The following CHIC1 variants were observed in gnomAD, a reference collection of about 807,000 sequenced individuals.
The protein encoded by CHIC1 is cysteine-rich hydrophobic domain-containing protein 1.
In CHIC1, 7 loss-of-function variants were observed where a neutral mutation model predicts 18.5. The observed-to-expected ratio is 0.38, with a 90% CI of 0.22 to 0.71. CHIC1 has a LOEUF of 0.71. Ranked by LOEUF, CHIC1 falls within the 30% of genes least tolerant of loss-of-function variation. CHIC1 has a pLI of 0.49. For synonymous variants in CHIC1, 77 were observed against 73.5 expected, an observed-to-expected ratio of 1.05 and a Z score of -0.25; for missense variants, 159 against 176.9, an observed-to-expected ratio of 0.90 and a Z score of 0.57.
intron 3 of CHIC1, among the ~76,000 whole-genome samples, chrX:73,675,186 G>A (rs947062749): frequency 6.3e-5 from 7 of 111,681 alleles, no homozygotes; most frequent in African/African-American, 2.3e-4. Context: ...GTGGTGTGGT[G>A]CTGAAAAGAA....
At chrX:73,592,805 G>T (rs999259557) in intron 3 of CHIC1, among the ~76,000 whole-genome samples, 16 of 110,645 alleles carry the variant, frequency 1.4e-4, no homozygotes, top group African/African-American at 5.3e-4. Context: ...ACTTCTGGTC[G>T]AATTCAGCTG....
chrX:73,610,707 G>A (rs1441094757), intron 3 of CHIC1, among the ~76,000 whole-genome samples: 1 of 108,398 alleles, frequency 9.2e-6, no homozygotes, highest in Non-Finnish European at 1.9e-5. Flanking sequence ...ATCCATTCCT[G>A]GAGTTTTCTT....
intron 3 of CHIC1, among the ~76,000 whole-genome samples, chrX:73,619,953 C>A (rs151065947): frequency 1.8e-5 from 2 of 110,964 alleles, no homozygotes; most frequent in Non-Finnish European, 3.8e-5. Flanking sequence ...TGAGAACATG[C>A]GGTGTTTGGC....
intron 3 of CHIC1, among the ~76,000 whole-genome samples, chrX:73,615,758 T>A (rs1006443838): frequency 2.4e-4 from 27 of 111,118 alleles, no homozygotes; most frequent in Non-Finnish European, 4.7e-4. Context: ...GGCAGGGTCA[T>A]CTCCAGGCTC....
chrX:73,651,070 A>G (rs751124013), intron 3 of CHIC1, among the ~76,000 whole-genome samples: 1 of 112,273 alleles, frequency 8.9e-6, no homozygotes, highest in South Asian at 3.7e-4. Context: ...TCACATAAAC[A>G]GAACCAAAGA....
intron 3 of CHIC1, among the ~76,000 whole-genome samples, chrX:73,646,871 AC>A (rs201858570): frequency 0.048 from 5,337 of 111,977 alleles, 319 homozygotes; most frequent in African/African-American, 0.16. Flanking sequence ...AAAATCTTTG[AC>A]CCAGACCAAT....
intron 3 of CHIC1, among the ~76,000 whole-genome samples, chrX:73,642,600 T>A (rs1188508755): frequency 1.2e-4 from 13 of 106,876 alleles, no homozygotes; most frequent in Non-Finnish European, 1.6e-4. Context: ...TGCCCATGCC[T>A]ATGTCCTGAA....
intron 3 of CHIC1, among the ~76,000 whole-genome samples, chrX:73,598,605 G>C (rs2057624228): frequency 1.9e-5 from 2 of 106,903 alleles, no homozygotes; most frequent in Non-Finnish European, 3.8e-5. Context: ...TCTTGCGATA[G>C]TTTACTGAGA....
chrX:73,654,754 C>G (rs781774928), intron 3 of CHIC1, among the ~76,000 whole-genome samples: 7 of 111,760 alleles, frequency 6.3e-5, no homozygotes, highest in Non-Finnish European at 1.3e-4. Flanking sequence ...CTGATTCCGT[C>G]TTGGTAAATT....
At chrX:73,564,727 C>T (rs1174924949) in intron 1 of CHIC1, among the ~76,000 whole-genome samples, 1 of 107,371 alleles carries the variant, frequency 9.3e-6, no homozygotes, top group Admixed American at 1.0e-4. Flanking sequence ...CAATTGAGTT[C>T]ATGTTACATT....
chrX:73,674,510 T>C (rs2058050944), intron 3 of CHIC1, among the ~76,000 whole-genome samples: 1 of 112,319 alleles, frequency 8.9e-6, no homozygotes, highest in Non-Finnish European at 1.9e-5. Context: ...GATTTTCTAG[T>C]TTATTTGTGT....
At chrX:73,598,938 A>G (rs1487931125) in intron 3 of CHIC1, among the ~76,000 whole-genome samples, 1 of 107,807 alleles carries the variant, frequency 9.3e-6, no homozygotes, top group Non-Finnish European at 1.9e-5. Flanking sequence ...ACTAGTTTAC[A>G]GTCCCACCAA....
In CHIC1 at chrX:73,585,126, T is replaced by G. The variant is rs1437131792; in HGVS notation, c.507+554T>G. Reference sequence around the variant, plus strand: ...GAAGATGCCTTTAAAATATTTTAATTGAAGCCAATGAGGAAAATTAATTCA... The same window carrying G: ...GAAGATGCCTTTAAAATATTTTAATGGAAGCCAATGAGGAAAATTAATTCA... On this transcript the variant is annotated intron_variant, in intron 3 of 5. Coordinates refer to ENST00000373502, the MANE Select transcript of CHIC1 (RefSeq NM_001039840.4). Among the ~76,000 whole-genome samples, 22 of 111,834 alleles carry G rather than the reference T, an allele frequency of 2.0e-4. 1 individual carries two copies. The Admixed American group carries it at 2.1e-3, about 11-fold the overall frequency.
At chrX:73,588,838 ATTATTT>A (rs1232216817) in intron 3 of CHIC1, among the ~76,000 whole-genome samples, 2 of 110,312 alleles carry the variant, frequency 1.8e-5, no homozygotes, top group African/African-American at 3.3e-5. Context: ...TAGGCCTACA[ATTATTT>A]TTAGTATTCA....
intron 1 of CHIC1, among the ~76,000 whole-genome samples, chrX:73,573,821 A>G (rs1045183128): frequency 4.5e-5 from 5 of 111,150 alleles, no homozygotes; most frequent in African/African-American, 1.6e-4. Context: ...CAGTTCAAGG[A>G]GCCTTTTGGC....
At chrX:73,667,623 G>A (rs921747685) in intron 3 of CHIC1, among the ~76,000 whole-genome samples, 3 of 111,231 alleles carry the variant, frequency 2.7e-5, no homozygotes, top group Admixed American at 9.6e-5. Context: ...TAGTTTGGCC[G>A]GACATGAATT....
In CHIC1 at chrX:73,609,155, T is replaced by TA. The variant is rs767979296; in HGVS notation, c.507+24599dup. Among the ~76,000 whole-genome samples, 451 of 89,244 alleles carry TA rather than the reference T, an allele frequency of 5.1e-3. 4 individuals carry two copies. Among genetic ancestry groups the TA allele is most frequent in the Non-Finnish European group, 5.1e-3 (238 of 46,584 alleles). 77.5% of individuals were successfully genotyped at this position (89,244 alleles called of 115,157 possible). ...GGGTGACAGAGTGAGACACCATCTC[T>TA]AAAAAAAAAAAAAAAAGTTTAGATG... On this transcript the variant is annotated intron_variant, in intron 3 of 5. Coordinates refer to ENST00000373502, the MANE Select transcript of CHIC1 (RefSeq NM_001039840.4).
intron 3 of CHIC1, among the ~76,000 whole-genome samples, chrX:73,609,978 A>G (rs867724519): frequency 3.7e-5 from 4 of 107,599 alleles, no homozygotes; most frequent in African/African-American, 7.3e-5. Flanking sequence ...CAAACATTCA[A>G]ACTTACTCCT....
intron 3 of CHIC1, among the ~76,000 whole-genome samples, chrX:73,652,443 A>G (rs2057921619): frequency 8.9e-6 from 1 of 112,474 alleles, no homozygotes; most frequent in African/African-American, 3.2e-5. Context: ...ATCAGAGTGA[A>G]CAGGCAACCT....
Sources: allele counts gnomAD v4.1 joint callset (sites outside exome capture counted in the v4.1 genomes callset), GRCh38; gene constraint gnomAD v4.1.1; transcripts MANE v1.5; gene names NCBI Gene and HGNC (gene_info 2026-07-23, HGNC 2026-07-21).